The following PTPRD variants were observed in gnomAD, a reference collection of about 807,000 sequenced individuals.
The protein encoded by PTPRD is receptor-type tyrosine-protein phosphatase delta.
A neutral mutation model predicts 214.5 loss-of-function variants in PTPRD; 34 were observed. That is an observed-to-expected ratio of 0.16 (90% CI 0.12 to 0.21). The LOEUF (loss-of-function observed/expected upper bound fraction) is 0.21, where lower values mean the gene tolerates loss of function less well. Ranked by LOEUF, PTPRD falls within the 10% of genes least tolerant of loss-of-function variation. PTPRD has a pLI of 1.00. For synonymous variants in PTPRD, 1,128 were observed against 845.7 expected, an observed-to-expected ratio of 1.33 and a Z score of -5.79; for missense variants, 2,545 against 2,398.7, an observed-to-expected ratio of 1.06 and a Z score of -1.27.
chr9:9,609,190 G>A (rs2094372203), intron 7 of PTPRD, among the ~76,000 whole-genome samples: 1 of 152,040 alleles, frequency 6.6e-6, no homozygotes, highest in Non-Finnish European at 1.5e-5. Context: ...GATTTATTAA[G>A]TGAAAATTTT....
chr9:9,157,002 C>T (rs1259148400), intron 10 of PTPRD, among the ~76,000 whole-genome samples: 1 of 152,172 alleles, frequency 6.6e-6, no homozygotes, highest in Non-Finnish European at 1.5e-5. Context: ...AGCCTCTCCA[C>T]ATATTTTCAG....
At chr9:8,472,727 T>C (rs749044298) in intron 30 of PTPRD, among the ~76,000 whole-genome samples, 18 of 152,204 alleles carry the variant, frequency 1.2e-4, no homozygotes, top group Non-Finnish European at 2.5e-4. Context: ...ATTATTAAAA[T>C]TAATTTCACC....
chr9:9,769,117 A>C (rs1167154870), intron 5 of PTPRD, among the ~76,000 whole-genome samples: 1 of 152,124 alleles, frequency 6.6e-6, no homozygotes, highest in East Asian at 1.9e-4. Context: ...CAAAAAGAAA[A>C]AATGAACAAA....
chr9:8,451,946 T>C, intron 33 of PTPRD: 1 of 475,220 alleles, frequency 2.1e-6, no homozygotes, highest in Admixed American at 2.2e-5. Flanking sequence ...GTGGCTGGGG[T>C]GAGTGACACT....
chr9:8,988,427 C>G (rs928225602), intron 11 of PTPRD, among the ~76,000 whole-genome samples: 2 of 151,950 alleles, frequency 1.3e-5, no homozygotes, highest in Admixed American at 1.3e-4. Context: ...CGTAAGAAAT[C>G]CTGGCTTTAA....
At chr9:8,960,198 T>G (rs1427797296) in intron 11 of PTPRD, among the ~76,000 whole-genome samples, 1 of 152,062 alleles carries the variant, frequency 6.6e-6, no homozygotes, top group Non-Finnish European at 1.5e-5. Context: ...GGTCATGAGT[T>G]TTGTCGTCAG....
chr9:9,193,561 C>G (rs552515520), intron 9 of PTPRD, among the ~76,000 whole-genome samples: 1 of 152,164 alleles, frequency 6.6e-6, no homozygotes, highest in Non-Finnish European at 1.5e-5. Flanking sequence ...GCCTATTTCT[C>G]CTAGGCTACA....
chr9:9,382,221 G>A (rs974147485), intron 9 of PTPRD, among the ~76,000 whole-genome samples: 6 of 151,628 alleles, frequency 4.0e-5, no homozygotes, highest in African/African-American at 9.7e-5. Context: ...ATTTTTATAT[G>A]TTGATTTTAT....
At chr9:9,438,938 TTTATCA>T (rs1210424077) in intron 8 of PTPRD, among the ~76,000 whole-genome samples, 1 of 152,158 alleles carries the variant, frequency 6.6e-6, no homozygotes, top group Non-Finnish European at 1.5e-5. Flanking sequence ...TAAATTCAAC[TTTATCA>T]TTATCAGTCT....
chr9:8,579,779 A>G (rs1191948957), intron 14 of PTPRD, among the ~76,000 whole-genome samples: 1 of 152,218 alleles, frequency 6.6e-6, no homozygotes, highest in Non-Finnish European at 1.5e-5. Context: ...ATTAAGCTGA[A>G]GGAGTATCAT....
At position 8,733,856 on chromosome 9, in the gene PTPRD, C is replaced by T. The variant is rs1186431644; in HGVS notation, c.-13G>A. 4 of 1,550,256 alleles carry T rather than the reference C, an allele frequency of 2.6e-6. No homozygotes were observed. The highest frequency in any genetic ancestry group is 3.5e-6 in the Non-Finnish European group (4 of 1,146,920). The stretch of plus-strand genomic sequence containing the variant: ...CTACGTGCACCATCCTGCAGCTTGG[C>T]AGCAGCGTGCGCGAGCAGCTTGGAA... On this transcript the variant is annotated 5_prime_UTR_variant, in exon 12 of 46. Transcript: ENST00000381196.
At chr9:10,074,061 C>T (rs1393921146) in intron 3 of PTPRD, among the ~76,000 whole-genome samples, 1 of 152,040 alleles carries the variant, frequency 6.6e-6, no homozygotes, top group Non-Finnish European at 1.5e-5. Flanking sequence ...TGAAACATTA[C>T]CTTGTGTAAG....
chr9:9,923,047 A>G (rs2083044830), intron 5 of PTPRD, among the ~76,000 whole-genome samples: 1 of 151,880 alleles, frequency 6.6e-6, no homozygotes, highest in Non-Finnish European at 1.5e-5. Flanking sequence ...TAGAAAACAC[A>G]CATTGAAATA....
At chr9:9,636,047 C>A (rs2095755863) in intron 7 of PTPRD, among the ~76,000 whole-genome samples, 1 of 152,164 alleles carries the variant, frequency 6.6e-6, no homozygotes, top group Non-Finnish European at 1.5e-5. Flanking sequence ...AAAGACCCAT[C>A]TTTGCACTCT....
intron 5 of PTPRD, among the ~76,000 whole-genome samples, chr9:9,771,911 T>C (rs2098755029): frequency 6.6e-6 from 1 of 152,180 alleles, no homozygotes; most frequent in Non-Finnish European, 1.5e-5. Context: ...ACAGTAATGA[T>C]GCCATAATAA....
intron 11 of PTPRD, among the ~76,000 whole-genome samples, chr9:8,903,023 C>T (rs2098682369): frequency 6.6e-6 from 1 of 152,016 alleles, no homozygotes; most frequent in Non-Finnish European, 1.5e-5. Context: ...TTATTTTGTT[C>T]AAATTATCTT....
At chr9:9,852,784 T>G (rs142203042) in intron 5 of PTPRD, among the ~76,000 whole-genome samples, 79 of 152,318 alleles carry the variant, frequency 5.2e-4, no homozygotes, top group African/African-American at 1.6e-3. Flanking sequence ...ATGAGATAGA[T>G]ACAATTGTTT....
At chr9:8,842,332 A>C (rs895723627) in intron 11 of PTPRD, among the ~76,000 whole-genome samples, 2 of 49,280 alleles carry the variant, frequency 4.1e-5, no homozygotes, top group Non-Finnish European at 3.5e-5. Flanking sequence ...GATTATCAGC[A>C]ACATATTTTT....
chr9:10,261,540 A>G (rs1020687592), intron 3 of PTPRD, among the ~76,000 whole-genome samples: 1 of 152,112 alleles, frequency 6.6e-6, no homozygotes, highest in Non-Finnish European at 1.5e-5. Context: ...GTGTGTGTGT[A>G]TATATACATA....
Sources: allele counts gnomAD v4.1 joint callset (sites outside exome capture counted in the v4.1 genomes callset), GRCh38; gene constraint gnomAD v4.1.1; transcripts MANE v1.5; gene names NCBI Gene and HGNC (gene_info 2026-07-23, HGNC 2026-07-21).